INPP4B: variants seen among roughly 807,000 people sequenced by gnomAD.
INPP4B encodes the protein inositol polyphosphate-4-phosphatase type II B, also known as inositol polyphosphate 4-phosphatase type II.
Under a neutral mutation model 122.5 loss-of-function variants are expected in INPP4B, and 55 were observed. That is an observed-to-expected ratio of 0.45 (90% CI 0.36 to 0.56). The LOEUF is 0.56. Ranked by LOEUF, INPP4B falls within the 20% of genes least tolerant of loss-of-function variation. The pLI, the probability that INPP4B is intolerant of heterozygous loss-of-function variation, is 0.00. For missense variants in INPP4B, 1,000 were observed against 1,097.7 expected (o/e 0.91, Z 1.26); for synonymous variants, 403 against 388.7 (o/e 1.04, Z -0.43).
At position 142,720,573 on chromosome 4, in the gene INPP4B, A is replaced by C. The variant is rs1205044583; in HGVS notation, c.-191+5266T>G. ...GATTATAATACCTACTACAGTGTAA[A>C]CGCTATATAAATAGTTGTTTTACTG... On this transcript the variant is annotated intron_variant, in intron 2 of 25. Transcript: ENST00000262992. Among the ~76,000 whole-genome samples, 3 of 151,612 alleles carry C rather than the reference A, an allele frequency of 2.0e-5. No homozygotes were observed. The East Asian group carries it at 5.9e-4, about 30-fold the overall frequency.
At chr4:142,701,874 T>C (rs530268428) in intron 2 of INPP4B, among the ~76,000 whole-genome samples, 2 of 152,332 alleles carry the variant, frequency 1.3e-5, no homozygotes, top group East Asian at 3.9e-4. Context: ...ACAATAAATA[T>C]TTGTATTTAC....
chr4:142,481,395 A>G (rs969522104), intron 2 of INPP4B, among the ~76,000 whole-genome samples: 3 of 152,126 alleles, frequency 2.0e-5, no homozygotes, highest in Admixed American at 6.6e-5. Context: ...AAACCCCTAC[A>G]ACCACTAAAA....
intron 2 of INPP4B, among the ~76,000 whole-genome samples, chr4:142,467,794 G>T (rs1460584804): frequency 6.6e-6 from 1 of 152,134 alleles, no homozygotes; most frequent in Non-Finnish European, 1.5e-5. Flanking sequence ...CCATGTTGAA[G>T]GTGGGCCTGA....
intron 11 of INPP4B, among the ~76,000 whole-genome samples, chr4:142,257,413 T>G (rs1332946944): frequency 6.6e-6 from 1 of 152,128 alleles, no homozygotes. Flanking sequence ...GGAAGTCAGA[T>G]TGTCCCTGTT....
intron 24 of INPP4B, among the ~76,000 whole-genome samples, chr4:142,084,903 C>A (rs1181632166): frequency 6.6e-6 from 1 of 151,978 alleles, no homozygotes; most frequent in Non-Finnish European, 1.5e-5. Context: ...ATCTTCATGC[C>A]GTCATGTTTT....
intron 1 of INPP4B, among the ~76,000 whole-genome samples, chr4:142,786,328 G>T (rs888132500): frequency 6.6e-6 from 1 of 152,088 alleles, no homozygotes; most frequent in African/African-American, 2.4e-5. Context: ...AAGTTAAAGA[G>T]CTCCGTTTGG....
At chr4:142,790,728 T>C (rs575020103) in intron 1 of INPP4B, among the ~76,000 whole-genome samples, 2 of 152,148 alleles carry the variant, frequency 1.3e-5, no homozygotes, top group South Asian at 2.1e-4. Flanking sequence ...TTTAAAAATA[T>C]ATATTAATAT....
rs377501737 is a variant in INPP4B, at chr4:142,784,134, G to A, written c.-253-58233C>T. On this transcript the variant is annotated intron_variant, in intron 1 of 25. Transcript: ENST00000262992. The stretch of plus-strand genomic sequence containing the variant: ...TCCCAGTACTTTGGGAGGCTGAGGC[G>A]GGCAGATGGCCTGATGTCAGGAGTT... 2.2e-4 allele frequency among the ~76,000 whole-genome samples: 34 copies of A among 152,074 alleles called. No homozygotes were observed. The East Asian group carries it at 3.7e-3, about 16-fold the overall frequency.
intron 5 of INPP4B, among the ~76,000 whole-genome samples, chr4:142,411,281 G>A (rs757132882): frequency 9.9e-5 from 15 of 152,226 alleles, no homozygotes; most frequent in Non-Finnish European, 1.8e-4. Flanking sequence ...GCCCACAGGG[G>A]AGCACTTGCT....
At chr4:142,362,795 C>T (rs780151004) in intron 7 of INPP4B, among the ~76,000 whole-genome samples, 15 of 151,930 alleles carry the variant, frequency 9.9e-5, no homozygotes, top group Non-Finnish European at 1.8e-4. Flanking sequence ...TGGGTATACA[C>T]AGACATAAAG....
At chr4:142,453,826 C>T (rs913509587) in intron 3 of INPP4B, among the ~76,000 whole-genome samples, 7 of 152,054 alleles carry the variant, frequency 4.6e-5, no homozygotes, top group Admixed American at 4.6e-4. Flanking sequence ...AACTGCTAAA[C>T]TCGAACTGGG....
intron 18 of INPP4B, among the ~76,000 whole-genome samples, chr4:142,138,035 G>T (rs901185342): frequency 5.9e-5 from 9 of 151,936 alleles, no homozygotes; most frequent in Non-Finnish European, 1.0e-4. Flanking sequence ...CCCATTACTG[G>T]GTATATACTC....
At position 142,208,519 on chromosome 4, in the gene INPP4B, G is replaced by T. The variant is rs1843488643; in HGVS notation, c.978C>A (p.Phe326Leu). ...TCTCTCCTTTGCTGCTGCTTGATTTGAAAGAGGACCCTGATGGAAACCAGA... is the reference window on the plus strand; with the variant it reads ...TCTCTCCTTTGCTGCTGCTTGATTTTAAAGAGGACCCTGATGGAAACCAGA... ...TELSKETGSS[F>L]KSSSSKGEKT... Residue 326 changes from phenylalanine to leucine, a missense_variant, in exon 14 of 26, where the codon TTC becomes TTA. Phe to Leu is a conservative substitution (Grantham distance 22). Transcript: ENST00000262992. 6.3e-7 allele frequency: 1 copy of T among 1,581,794 alleles called. No homozygotes were observed. Among genetic ancestry groups the T allele is most frequent in the Non-Finnish European group, 8.6e-7 (1 of 1,159,420 alleles).
intron 24 of INPP4B, among the ~76,000 whole-genome samples, chr4:142,083,167 G>A (rs987687568): frequency 6.6e-6 from 1 of 151,778 alleles, no homozygotes; most frequent in South Asian, 2.1e-4. Context: ...GAACTCTAGA[G>A]GAAGGTATAA....
rs532327428 is a variant in INPP4B, at chr4:142,666,315, A to G, written c.-191+59524T>C. ...ATATAATTTTAGATTCATTTCATAA[A>G]GTTTTAAAAACCTATTTACAAGAAA... On this transcript the variant is annotated intron_variant, in intron 2 of 25. Transcript: ENST00000262992. Among the ~76,000 whole-genome samples the G allele has an allele frequency of 3.9e-5, 6 of 152,250 alleles. No homozygotes were observed. The South Asian group carries it at 1.2e-3, about 32-fold the overall frequency.
At chr4:142,094,295 C>G (rs1780878755) in intron 23 of INPP4B, among the ~76,000 whole-genome samples, 1 of 152,126 alleles carries the variant, frequency 6.6e-6, no homozygotes, top group Admixed American at 6.6e-5. Context: ...ACTGGGTGAA[C>G]AACTACTTTT....
intron 23 of INPP4B, among the ~76,000 whole-genome samples, chr4:142,107,440 T>A (rs336331): frequency 0.53 from 81,132 of 152,012 alleles, 25,109 homozygotes; most frequent in Non-Finnish European, 0.68. Context: ...ATAGATGAAT[T>A]CCAAATACAT....
At chr4:142,062,371 G>A (rs11935321) in intron 25 of INPP4B, among the ~76,000 whole-genome samples, 3,764 of 152,098 alleles carry the variant, frequency 0.025, 174 homozygotes, top group African/African-American at 0.087. Flanking sequence ...AGAGTCTTCA[G>A]TTGAAAAATC....
At chr4:142,777,392 A>G (rs1303763035) in intron 1 of INPP4B, among the ~76,000 whole-genome samples, 2 of 152,098 alleles carry the variant, frequency 1.3e-5, no homozygotes, top group Non-Finnish European at 2.9e-5. Context: ...ATGTCAGGAA[A>G]CTGTGGGTGG....
Sources: allele counts gnomAD v4.1 joint callset (sites outside exome capture counted in the v4.1 genomes callset), GRCh38; gene constraint gnomAD v4.1.1; transcripts MANE v1.5; gene names NCBI Gene and HGNC (gene_info 2026-07-23, HGNC 2026-07-21).